The following ADAMTSL1 variants were observed in gnomAD, a reference collection of about 807,000 sequenced individuals.
The protein encoded by ADAMTSL1 is ADAMTS-like protein 1.
Under a neutral mutation model 201.8 loss-of-function variants are expected in ADAMTSL1, and 126 were observed. The ratio of observed to expected loss-of-function variants is 0.62; its 90% CI spans 0.54 to 0.72. The LOEUF (loss-of-function observed/expected upper bound fraction) is 0.72, where lower values mean the gene tolerates loss of function less well. Among genes scored for constraint, ADAMTSL1 ranks in the 30% least tolerant of loss-of-function variants. ADAMTSL1 has a pLI of 0.00. For synonymous variants in ADAMTSL1, 1,121 were observed against 903.4 expected (o/e 1.24, Z -4.32); for missense variants, 2,679 against 2,277.8 (o/e 1.18, Z -3.59).
chr9:18,231,449 G>C (rs1830641845), intron 2 of ADAMTSL1, among the ~76,000 whole-genome samples: 1 of 152,104 alleles, frequency 6.6e-6, no homozygotes, highest in South Asian at 2.1e-4. Flanking sequence ...GAATCTTTTG[G>C]CTTCCAGGAA....
chr9:18,399,310 TA>T (rs1563934727), intron 2 of ADAMTSL1, among the ~76,000 whole-genome samples: 1 of 114,778 alleles, frequency 8.7e-6, no homozygotes, highest in African/African-American at 3.4e-5. Flanking sequence ...TATATATATA[TA>T]TATATATATA....
chr9:18,198,153 C>T (rs370752087), intron 2 of ADAMTSL1, among the ~76,000 whole-genome samples: 1 of 152,022 alleles, frequency 6.6e-6, no homozygotes, highest in Non-Finnish European at 1.5e-5. Context: ...ACCATAAAAA[C>T]CCTAGAAGAA....
At chr9:18,866,603 T>G (rs1827554870) in intron 23 of ADAMTSL1, among the ~76,000 whole-genome samples, 1 of 152,232 alleles carries the variant, frequency 6.6e-6, no homozygotes, top group South Asian at 2.1e-4. Context: ...TAGAAGCACA[T>G]TCCCTGAGGT....
upstream of ADAMTSL1, among the ~76,000 whole-genome samples, chr9:18,469,720 T>C (rs937926844): frequency 6.6e-6 from 1 of 152,240 alleles, no homozygotes; most frequent in Non-Finnish European, 1.5e-5. Flanking sequence ...CTGGTTAGCA[T>C]GGTTACAAGA....
intron 15 of ADAMTSL1, among the ~76,000 whole-genome samples, chr9:18,739,284 G>C (rs1818687674): frequency 1.3e-5 from 2 of 152,190 alleles, no homozygotes; most frequent in Non-Finnish European, 2.9e-5. Context: ...AACACAGATG[G>C]AAGTGGATGG....
chr9:18,815,711 C>CAAAAAA (rs35926602), intron 20 of ADAMTSL1, among the ~76,000 whole-genome samples: 52 of 67,950 alleles, frequency 7.7e-4, no homozygotes, highest in East Asian at 2.8e-3. Context: ...AACCCTGTCT[C>CAAAAAA]AAAAAAAAAA....
At chr9:17,947,463 C>T (rs938360614) in intron 1 of ADAMTSL1, among the ~76,000 whole-genome samples, 4 of 151,742 alleles carry the variant, frequency 2.6e-5, no homozygotes, top group African/African-American at 9.7e-5. Flanking sequence ...TAGTAAAAAC[C>T]ATGTTTTTAC....
chr9:18,634,530 C>T (rs1472602163), intron 5 of ADAMTSL1, among the ~76,000 whole-genome samples: 3 of 151,970 alleles, frequency 2.0e-5, no homozygotes, highest in South Asian at 4.2e-4. Context: ...ACTGTGATAG[C>T]GAGACCCTAT....
At chr9:18,252,660 C>G (rs1202696760) in intron 2 of ADAMTSL1, among the ~76,000 whole-genome samples, 1 of 151,958 alleles carries the variant, frequency 6.6e-6, no homozygotes. Flanking sequence ...TTGATTGAGT[C>G]CACGGATACA....
In ADAMTSL1 at chr9:18,868,823, T is replaced by G. The variant is rs186977855; in HGVS notation, c.4250-19008T>G. 1.5e-4 allele frequency among the ~76,000 whole-genome samples: 23 copies of G among 152,336 alleles called. 1 individual carries two copies. The highest frequency in any genetic ancestry group is 1.1e-3 in the Admixed American group (17 of 15,308). ...CAGTTGCCTCCGCCTCTTCAAACTC[T>G]CTTCTTTGTCTCATCAATTTGTCTA... On this transcript the variant is annotated intron_variant, in intron 23 of 28. Coordinates refer to ENST00000380548, the MANE Select transcript of ADAMTSL1 (RefSeq NM_001040272.6).
At chr9:17,928,414 T>G (rs1826642042) in intron 1 of ADAMTSL1, among the ~76,000 whole-genome samples, 1 of 152,212 alleles carries the variant, frequency 6.6e-6, no homozygotes, top group African/African-American at 2.4e-5. Context: ...AGTTTCACAT[T>G]GGAAATCAGC....
intron 2 of ADAMTSL1, among the ~76,000 whole-genome samples, chr9:18,433,869 T>G (rs75936118): frequency 0.018 from 2,697 of 152,300 alleles, 71 homozygotes; most frequent in African/African-American, 0.054. Flanking sequence ...AAATGGAATT[T>G]CTACTGGATT....
chr9:18,301,816 A>G (rs1833720340), intron 2 of ADAMTSL1, among the ~76,000 whole-genome samples: 1 of 152,238 alleles, frequency 6.6e-6, no homozygotes, highest in Non-Finnish European at 1.5e-5. Context: ...GCTATGTGCC[A>G]GAGTCTGTTG....
chr9:18,304,218 C>T (rs1222281440), intron 2 of ADAMTSL1, among the ~76,000 whole-genome samples: 1 of 151,742 alleles, frequency 6.6e-6, no homozygotes, highest in African/African-American at 2.4e-5. Context: ...GTTTGGAAAG[C>T]AACATGAACC....
rs780616768 is a variant in ADAMTSL1 at position 18,639,237 on chromosome 9, C to T, written c.677-17C>T. 45 of 1,611,662 alleles carry T rather than the reference C, an allele frequency of 2.8e-5. No individual in the cohort carries two copies. The highest frequency in any genetic ancestry group is 3.6e-5 in the Non-Finnish European group (43 of 1,178,550). ...TAGGAACATCTTTCTCTCATCTTCACGTGTTTGATCATATAGATCTGGAAA... is the reference window on the plus strand; with the variant it reads ...TAGGAACATCTTTCTCTCATCTTCATGTGTTTGATCATATAGATCTGGAAA... On this transcript the variant is annotated splice_polypyrimidine_tract_variant and intron_variant, in intron 6 of 28. Transcript: ENST00000380548.
intron 14 of ADAMTSL1, 116 bp downstream of exon 14, chr9:18,707,164 G>A (rs925869261): frequency 7.7e-7 from 1 of 1,305,032 alleles, no homozygotes; most frequent in Non-Finnish European, 1.0e-6. Context: ...AGGAGGAGGA[G>A]GGGAGGCAGC....
chr9:18,072,733 G>C (rs148421881), intron 1 of ADAMTSL1, among the ~76,000 whole-genome samples: 1 of 152,150 alleles, frequency 6.6e-6, no homozygotes, highest in East Asian at 1.9e-4. Flanking sequence ...GGCCCACTTC[G>C]TTTTGAAGGG....
At chr9:18,033,448 T>G (rs1821061161) in intron 1 of ADAMTSL1, among the ~76,000 whole-genome samples, 1 of 152,212 alleles carries the variant, frequency 6.6e-6, no homozygotes, top group Non-Finnish European at 1.5e-5. Context: ...TTTTAACACA[T>G]TGTTTCCACT....
intron 2 of ADAMTSL1, among the ~76,000 whole-genome samples, chr9:18,196,280 T>C (rs1829175790): frequency 6.6e-6 from 1 of 152,058 alleles, no homozygotes; most frequent in South Asian, 2.1e-4. Context: ...TAAAATAACA[T>C]GAGTTTATTT....
Sources: gnomAD v4.1 joint callset for allele counts (sites outside exome capture counted in the v4.1 genomes callset) on GRCh38, gnomAD v4.1.1 for gene constraint, MANE v1.5 for transcripts, NCBI Gene and HGNC (gene_info 2026-07-23, HGNC 2026-07-21) for gene names.